The following GATAD2B variants were observed in gnomAD, a reference collection of about 807,000 sequenced individuals.
The protein encoded by GATAD2B is GATA zinc finger domain containing 2B.
A neutral mutation model predicts 64.3 loss-of-function variants in GATAD2B; 8 were observed. That is an observed-to-expected ratio of 0.12 (90% confidence interval 0.07 to 0.22). The LOEUF (loss-of-function observed/expected upper bound fraction) is 0.22. Ranked by LOEUF, GATAD2B falls within the 10% of genes least tolerant of loss-of-function variation. The pLI is 1.00. For missense variants in GATAD2B, 453 were observed against 752.0 expected (o/e 0.60, Z 4.65); for synonymous variants, 281 against 271.3 (o/e 1.04, Z -0.35).
At chr1:153,830,279 C>A (rs931850540) in intron 1 of GATAD2B, among the ~76,000 whole-genome samples, 14 of 151,742 alleles carry the variant, frequency 9.2e-5, no homozygotes, top group Admixed American at 9.2e-4. Flanking sequence ...TCCCAAGTAG[C>A]TGGGACTATG....
chr1:153,852,089 AG>A, intron 1 of GATAD2B: 1 of 567,954 alleles, frequency 1.8e-6, no homozygotes. Flanking sequence ...CACTGGTGAC[AG>A]GGGCAAGTTT....
In GATAD2B at chr1:153,828,352, T is replaced by C. The variant is rs746848678; in HGVS notation, c.-1-4A>G. ...ATCTTCTGTCATTCTATCCATCCTA[T>C]GGAAAGAAAAATACAAGTAAGATCA... On this transcript the variant is annotated splice_region_variant and splice_polypyrimidine_tract_variant and intron_variant, in intron 1 of 10. Transcript: ENST00000368655. 4 of 1,602,380 alleles carry C rather than the reference T, an allele frequency of 2.5e-6. No homozygotes were observed. The highest frequency in any genetic ancestry group is 2.5e-6 in the Non-Finnish European group (3 of 1,177,208).
chr1:153,829,159 G>A (rs1368985645), intron 1 of GATAD2B, among the ~76,000 whole-genome samples: 3 of 152,046 alleles, frequency 2.0e-5, no homozygotes, highest in Non-Finnish European at 4.4e-5. Flanking sequence ...GAGCCTGATC[G>A]TACCACTGAA....
chr1:153,901,331 ACAAAG>A (rs1432077165), intron 1 of GATAD2B, among the ~76,000 whole-genome samples: 3 of 152,150 alleles, frequency 2.0e-5, no homozygotes, highest in African/African-American at 7.2e-5. Context: ...AGCCTGGGTG[ACAAAG>A]CAAGGCTCTG....
chr1:153,844,767 TGGGGGGA>T (rs1675622034), intron 1 of GATAD2B, among the ~76,000 whole-genome samples: 2 of 43,966 alleles, frequency 4.5e-5, no homozygotes, highest in Non-Finnish European at 8.4e-5. Flanking sequence ...TGTGGTGGGG[TGGGGGGA>T]GGGGGGAGGG....
At chr1:153,866,928 A>G (rs1191711242) in intron 1 of GATAD2B, among the ~76,000 whole-genome samples, 1 of 152,004 alleles carries the variant, frequency 6.6e-6, no homozygotes, top group East Asian at 1.9e-4. Context: ...TTATAGGCGC[A>G]CACCACCACA....
At chr1:153,897,419 A>G (rs980573850) in intron 1 of GATAD2B, among the ~76,000 whole-genome samples, 6 of 152,190 alleles carry the variant, frequency 3.9e-5, no homozygotes, top group African/African-American at 1.4e-4. Context: ...TTCTTCTAAT[A>G]CGATGAGAAC....
chr1:153,874,637 C>T (rs962403282), intron 1 of GATAD2B, among the ~76,000 whole-genome samples: 3 of 151,932 alleles, frequency 2.0e-5, no homozygotes, highest in African/African-American at 4.8e-5. Context: ...AGTGCAGTGG[C>T]GCGATCTCGG....
chr1:153,858,769 G>A (rs1024278208), intron 1 of GATAD2B, among the ~76,000 whole-genome samples: 4 of 152,102 alleles, frequency 2.6e-5, no homozygotes, highest in African/African-American at 7.2e-5. Flanking sequence ...GCATATGTAT[G>A]TGGGTATATA....
In GATAD2B at chr1:153,818,092, G is replaced by A; in HGVS notation, c.677C>T (p.Pro226Leu). ...HVGQQGLSKL[P>L]SRPGAQGVEP... ...AACCCCTTGGGCCCCAGGCCGAGAG[G>A]GAAGCTTAGATAGGCCCTGCTGTCC... The change falls in exon 5 of 11, where the codon CCC becomes CTC. Residue 226 changes from proline (P) to leucine (L), a missense_variant. Pro to Leu is a moderately conservative substitution (Grantham distance 98). Transcript: ENST00000368655. 1.9e-6 allele frequency: 3 copies of A among 1,613,128 alleles called. No individual in the cohort carries two copies. Among genetic ancestry groups the A allele is most frequent in the Non-Finnish European group, 2.5e-6 (3 of 1,179,508 alleles).
rs1033481127 is a variant in GATAD2B, at chr1:153,818,801, A to G, written c.587T>C (p.Val196Ala). ...LRQSQLQKEN[V>A]VQKTPVVQNA... ...TCTAGGGCACATTACCTTCTGGACC[A>G]CATTCTCTTTCTGTAGCTGACTCTG... The change falls in exon 4 of 11, where the codon GTG becomes GCG. Residue 196 changes from valine (V) to alanine (A), a missense_variant. Transcript: ENST00000368655. 6.2e-7 allele frequency: 1 copy of G among 1,613,604 alleles called. No homozygotes were observed. The highest frequency in any genetic ancestry group is 8.5e-7 in the Non-Finnish European group (1 of 1,179,996).
chr1:153,865,217 T>C (rs906341906), intron 1 of GATAD2B, among the ~76,000 whole-genome samples: 1 of 152,214 alleles, frequency 6.6e-6, no homozygotes, highest in African/African-American at 2.4e-5. Flanking sequence ...CCCAGCACTA[T>C]GGTAGGCCAA....
intron 1 of GATAD2B, among the ~76,000 whole-genome samples, chr1:153,838,896 G>C (rs1007028511): frequency 2.0e-5 from 3 of 152,038 alleles, no homozygotes; most frequent in Non-Finnish European, 1.5e-5. Context: ...GATCATTTGA[G>C]GCTGGGAGTT....
intron 2 of GATAD2B, chr1:153,827,408 A>G (rs1025415945): frequency 6.5e-6 from 1 of 152,848 alleles, no homozygotes; most frequent in African/African-American, 2.4e-5. Flanking sequence ...TCAAGTACTC[A>G]ACCTTGAAAG....
Position 153,806,250 on chromosome 1 carries a change from CA to C in GATAD2B, c.*3926del, listed in dbSNP as rs2101869287. ...TACCTCCCAGCCCCCAGCACTTCCC[CA>C]CAGTATCAACCTAATGCTGGGGGAT... On this transcript the variant is annotated 3_prime_UTR_variant, in exon 11 of 11. Coordinates refer to ENST00000368655, the MANE Select transcript of GATAD2B (RefSeq NM_020699.4). The C allele has an allele frequency of 6.6e-6, 1 of 152,326 alleles. No individual in the cohort carries two copies. Among genetic ancestry groups the C allele is most frequent in the Non-Finnish European group, 1.5e-5 (1 of 68,054 alleles). The allele number at this position is 152,326 out of a possible 1,614,324, so 9.4% of individuals were successfully genotyped here.
At chr1:153,848,510 C>T (rs6673803) in intron 1 of GATAD2B, among the ~76,000 whole-genome samples, 147,625 of 152,272 alleles carry the variant, frequency 0.97, 71,731 homozygotes, top group East Asian at 1. Flanking sequence ...CTAGTTTCTA[C>T]TCATCTTTCC....
chr1:153,886,677 G>A (rs950706015), intron 1 of GATAD2B, among the ~76,000 whole-genome samples: 49 of 151,398 alleles, frequency 3.2e-4, no homozygotes, highest in African/African-American at 1.0e-3. Flanking sequence ...TCAGCCTCTC[G>A]ACTAGCTGGG....
intron 1 of GATAD2B, among the ~76,000 whole-genome samples, chr1:153,864,360 TA>T (rs1359151750): frequency 6.6e-6 from 1 of 152,214 alleles, no homozygotes; most frequent in Non-Finnish European, 1.5e-5. Context: ...TTCACATGTG[TA>T]ATTTCAGCAC....
intron 2 of GATAD2B, among the ~76,000 whole-genome samples, chr1:153,826,757 T>C (rs1490004118): frequency 6.6e-6 from 1 of 151,676 alleles, no homozygotes; most frequent in African/African-American, 2.4e-5. Context: ...CTGGGCAACA[T>C]AGTGAGACTC....
Sources: gnomAD v4.1 joint callset for allele counts (sites outside exome capture counted in the v4.1 genomes callset) on GRCh38, gnomAD v4.1.1 for gene constraint, MANE v1.5 for transcripts, NCBI Gene and HGNC (gene_info 2026-07-23, HGNC 2026-07-21) for gene names.